DLG2: variants seen among roughly 807,000 people sequenced by gnomAD.
DLG2 encodes the protein disks large homolog 2.
In DLG2, 45 loss-of-function variants were observed where a neutral mutation model predicts 132.5. That is an observed-to-expected ratio of 0.34 (90% CI 0.27 to 0.44). The LOEUF is 0.44. DLG2 is among the 20% of genes least tolerant of loss of function. The pLI, the probability that DLG2 is intolerant of heterozygous loss-of-function variation, is 1.00. For missense variants in DLG2, 1,045 were observed against 1,196.9 expected (o/e 0.87, Z 1.87); for synonymous variants, 424 against 419.6 (o/e 1.01, Z -0.13).
intron 16 of DLG2, among the ~76,000 whole-genome samples, chr11:83,839,039 C>T (rs918477201): frequency 3.3e-5 from 5 of 152,270 alleles, no homozygotes; most frequent in African/African-American, 7.2e-5. Flanking sequence ...TTGCCCATTA[C>T]CCATTTATGT....
intron 6 of DLG2, among the ~76,000 whole-genome samples, chr11:84,971,489 A>C (rs2054093829): frequency 6.6e-6 from 1 of 152,206 alleles, no homozygotes; most frequent in Admixed American, 6.6e-5. Context: ...GAATTGTAGA[A>C]ACAGAAGCTT....
chr11:84,563,646 G>A (rs1475480076), intron 6 of DLG2, among the ~76,000 whole-genome samples: 1 of 152,162 alleles, frequency 6.6e-6, no homozygotes, highest in Non-Finnish European at 1.5e-5. Flanking sequence ...CTCTAAAATC[G>A]GTCTTGTTCT....
intron 6 of DLG2, among the ~76,000 whole-genome samples, chr11:85,059,282 T>C (rs2063782957): frequency 6.6e-6 from 1 of 151,306 alleles, no homozygotes; most frequent in Non-Finnish European, 1.5e-5. Flanking sequence ...AAAAAAAATG[T>C]AGAGCAGCTG....
chr11:83,489,123 C>A (rs1367978), intron 21 of DLG2, among the ~76,000 whole-genome samples: 53,988 of 151,720 alleles, frequency 0.36, 9,703 homozygotes, highest in Middle Eastern at 0.45. Context: ...ATGTTTCACG[C>A]CTTCTGATAA....
intron 6 of DLG2, among the ~76,000 whole-genome samples, chr11:84,690,247 C>T (rs2057866787): frequency 1.3e-5 from 2 of 151,646 alleles, no homozygotes; most frequent in Admixed American, 6.6e-5. Context: ...AACAATACTA[C>T]ATATATATAT....
At chr11:84,402,186 G>A (rs1225967162) in intron 7 of DLG2, among the ~76,000 whole-genome samples, 1 of 152,088 alleles carries the variant, frequency 6.6e-6, no homozygotes, top group African/African-American at 2.4e-5. Flanking sequence ...AATAATGAAA[G>A]AAAAGCTTTA....
intron 7 of DLG2, among the ~76,000 whole-genome samples, chr11:84,426,446 CTG>C (rs1201539590): frequency 3.9e-5 from 6 of 152,156 alleles, no homozygotes; most frequent in African/African-American, 1.4e-4. Flanking sequence ...GACATGCTAA[CTG>C]TGCATCTTTG....
intron 7 of DLG2, among the ~76,000 whole-genome samples, chr11:84,504,619 T>A (rs1209317862): frequency 9.0e-6 from 1 of 111,278 alleles, no homozygotes; most frequent in African/African-American, 3.5e-5. Context: ...ATAAGTAAAG[T>A]AAGAAATTGT....
chr11:84,664,830 T>A (rs1217771987), intron 6 of DLG2, among the ~76,000 whole-genome samples: 1 of 152,104 alleles, frequency 6.6e-6, no homozygotes, highest in Non-Finnish European at 1.5e-5. Context: ...TGTGGTAGAT[T>A]GTATTTCTGT....
At chr11:84,045,513 T>A (rs935657933) in intron 11 of DLG2, among the ~76,000 whole-genome samples, 20 of 151,754 alleles carry the variant, frequency 1.3e-4, no homozygotes, top group Admixed American at 1.3e-3. Flanking sequence ...AATATTCAAT[T>A]GTCTTATTCT....
At chr11:83,704,889 A>C (rs1426609481) in intron 18 of DLG2, among the ~76,000 whole-genome samples, 1 of 152,150 alleles carries the variant, frequency 6.6e-6, no homozygotes, top group Non-Finnish European at 1.5e-5. Context: ...AAGTCACTGA[A>C]ATATTAAGTT....
chr11:83,787,778 A>G (rs1193411868), intron 17 of DLG2, among the ~76,000 whole-genome samples: 2 of 152,218 alleles, frequency 1.3e-5, no homozygotes, highest in Non-Finnish European at 2.9e-5. Context: ...ATGTCTTAAA[A>G]GCTCCAAACT....
chr11:85,259,404 T>A (rs1195724604), intron 4 of DLG2, among the ~76,000 whole-genome samples: 1 of 152,086 alleles, frequency 6.6e-6, no homozygotes, highest in Non-Finnish European at 1.5e-5. Context: ...ATACCCCTTT[T>A]CTTTATAAAT....
intron 8 of DLG2, among the ~76,000 whole-genome samples, chr11:84,172,297 C>T (rs1609905): frequency 0.01 from 1,574 of 152,100 alleles, 10 homozygotes; most frequent in Non-Finnish European, 0.016. Flanking sequence ...TTTAAATAAA[C>T]GCTCACAAGC....
In DLG2 at chr11:83,998,552, A is replaced by AT. The variant is rs1245695366; in HGVS notation, c.920-17911dup. On this transcript the variant is annotated intron_variant, in intron 11 of 27. Coordinates refer to ENST00000376104, the MANE Select transcript of DLG2 (RefSeq NM_001142699.3). ...CAGCTGGGAGATGAGAGACTCCTCA[A>AT]TATGGGAGAAGTATAAATGAGACAT... Among the ~76,000 whole-genome samples the AT allele has an allele frequency of 3.9e-5, 6 of 152,226 alleles. 1 individual carries two copies. Among genetic ancestry groups the AT allele is most frequent in the Admixed American group, 3.9e-4 (6 of 15,282 alleles).
At chr11:85,455,067 T>C (rs2092376375) in intron 3 of DLG2, among the ~76,000 whole-genome samples, 1 of 152,182 alleles carries the variant, frequency 6.6e-6, no homozygotes, top group Non-Finnish European at 1.5e-5. Context: ...AAGAATGTCA[T>C]TGATAGTTTG....
intron 12 of DLG2, among the ~76,000 whole-genome samples, chr11:83,966,355 T>C (rs2090192034): frequency 1.3e-5 from 2 of 151,980 alleles, no homozygotes; most frequent in East Asian, 3.9e-4. Context: ...TCAGAACACG[T>C]CTTTTCAGGT....
intron 3 of DLG2, among the ~76,000 whole-genome samples, chr11:85,372,819 G>A (rs185136138): frequency 1.9e-3 from 290 of 152,308 alleles, no homozygotes; most frequent in Middle Eastern, 3.4e-3. Flanking sequence ...GAAAGTGGAC[G>A]CTCTTCCCTC....
intron 6 of DLG2, among the ~76,000 whole-genome samples, chr11:84,722,587 A>G (rs967958301): frequency 6.6e-6 from 1 of 152,172 alleles, no homozygotes; most frequent in Non-Finnish European, 1.5e-5. Context: ...ATGAAGCCCA[A>G]CCCTACATTT....
Sources: gnomAD v4.1 joint callset for allele counts (sites outside exome capture counted in the v4.1 genomes callset) on GRCh38, gnomAD v4.1.1 for gene constraint, MANE v1.5 for transcripts, NCBI Gene and HGNC (gene_info 2026-07-23, HGNC 2026-07-21) for gene names.